The following RAD51B variants were observed in gnomAD, a reference collection of about 807,000 sequenced individuals.
RAD51B encodes the protein DNA repair protein RAD51 homolog 2.
In RAD51B, 38 loss-of-function variants were observed where a neutral mutation model predicts 42.2. The observed-to-expected ratio is 0.90, with a 90% CI of 0.70 to 1.18. The LOEUF is 1.18. RAD51B is among the 50% of genes most tolerant of loss of function. The probability of loss-of-function intolerance (pLI) is 0.00; values close to 1 mark genes in which losing one functional copy is unlikely to be tolerated. For synonymous variants in RAD51B, 154 were observed against 145.2 expected (o/e 1.06, Z -0.43); for missense variants, 373 against 400.7 (o/e 0.93, Z 0.59).
intron 7 of RAD51B, among the ~76,000 whole-genome samples, chr14:67,966,861 G>A (rs1306143760): frequency 6.6e-6 from 1 of 152,174 alleles, no homozygotes; most frequent in Non-Finnish European, 1.5e-5. Flanking sequence ...CTTACATACA[G>A]TATTATATTT....
intron 7 of RAD51B, among the ~76,000 whole-genome samples, chr14:67,927,869 T>C (rs562397511): frequency 6.6e-6 from 1 of 150,976 alleles, no homozygotes; most frequent in South Asian, 2.1e-4. Flanking sequence ...TTGATCATGG[T>C]ATGTTATCTT....
At chr14:67,995,342 A>T (rs1236738742) in intron 7 of RAD51B, among the ~76,000 whole-genome samples, 1 of 152,010 alleles carries the variant, frequency 6.6e-6, no homozygotes, top group Non-Finnish European at 1.5e-5. Flanking sequence ...AGCCGAGATC[A>T]CGCCACTACT....
intron 8 of RAD51B, among the ~76,000 whole-genome samples, chr14:68,384,462 T>C (rs2083548575): frequency 6.6e-6 from 1 of 152,142 alleles, no homozygotes. Context: ...GGAAAAAACC[T>C]TATGAGAGGC....
At chr14:68,091,449 C>T (rs1324787436) in intron 7 of RAD51B, among the ~76,000 whole-genome samples, 1 of 152,132 alleles carries the variant, frequency 6.6e-6, no homozygotes, top group Admixed American at 6.5e-5. Context: ...TCTCTGATGG[C>T]CAATGATGAT....
chr14:68,491,140 T>C (rs747423290), intron 10 of RAD51B, among the ~76,000 whole-genome samples: 1 of 152,212 alleles, frequency 6.6e-6, no homozygotes, highest in Non-Finnish European at 1.5e-5. Flanking sequence ...TGCCTGCCAG[T>C]AAGCCCACTC....
At chr14:68,128,126 G>A (rs1289221390) in intron 7 of RAD51B, among the ~76,000 whole-genome samples, 1 of 152,214 alleles carries the variant, frequency 6.6e-6, no homozygotes, top group Non-Finnish European at 1.5e-5. Context: ...TAAGAGAAAT[G>A]TAGAAACCTT....
chr14:68,008,842 A>G (rs1351739044), intron 7 of RAD51B, among the ~76,000 whole-genome samples: 2 of 151,362 alleles, frequency 1.3e-5, no homozygotes, highest in Non-Finnish European at 2.9e-5. Flanking sequence ...TTCACTTTAC[A>G]TCTGTGTAGT....
At chr14:67,889,589 C>G (rs2043159069) in intron 7 of RAD51B, among the ~76,000 whole-genome samples, 2 of 146,148 alleles carry the variant, frequency 1.4e-5, no homozygotes, top group African/African-American at 5.1e-5. Flanking sequence ...TTTTCCCCCC[C>G]TTTCTCTATT....
chr14:68,608,789 G>A (rs951691900), intron 10 of RAD51B, among the ~76,000 whole-genome samples: 4 of 152,158 alleles, frequency 2.6e-5, no homozygotes, highest in Non-Finnish European at 5.9e-5. Context: ...ATCGCTGAAT[G>A]AAGAGGAGGG....
chr14:68,520,428 G>T (rs982582445), intron 10 of RAD51B, among the ~76,000 whole-genome samples: 7 of 152,156 alleles, frequency 4.6e-5, no homozygotes, highest in Non-Finnish European at 1.0e-4. Flanking sequence ...ATATCATTTA[G>T]GCACTCCCCA....
chr14:68,546,040 C>T (rs574296974), intron 10 of RAD51B, among the ~76,000 whole-genome samples: 20 of 152,308 alleles, frequency 1.3e-4, no homozygotes, highest in Admixed American at 3.3e-4. Context: ...GTGAGTTCCA[C>T]GAGGACAGGG....
At chr14:68,004,440 A>G (rs191029721) in intron 7 of RAD51B, among the ~76,000 whole-genome samples, 28 of 150,850 alleles carry the variant, frequency 1.9e-4, no homozygotes, top group Admixed American at 1.7e-3. Context: ...TTCTTTCTAG[A>G]TTATAGAAGA....
intron 7 of RAD51B, among the ~76,000 whole-genome samples, chr14:68,116,215 G>T (rs2077545241): frequency 6.6e-6 from 1 of 151,832 alleles, no homozygotes; most frequent in South Asian, 2.1e-4. Context: ...GCAGTCAGTG[G>T]TATGTGAATT....
At chr14:68,381,649 C>A (rs945829898) in intron 8 of RAD51B, among the ~76,000 whole-genome samples, 2 of 152,118 alleles carry the variant, frequency 1.3e-5, no homozygotes, top group African/African-American at 2.4e-5. Context: ...GCACTCCAGC[C>A]TGCTCAGGCG....
intron 10 of RAD51B, among the ~76,000 whole-genome samples, chr14:68,494,992 A>G (rs142283432): frequency 6.6e-6 from 1 of 152,300 alleles, no homozygotes; most frequent in African/African-American, 2.4e-5. Flanking sequence ...TCTGCCCTAC[A>G]AGGCATAGTG....
At chr14:68,361,018 C>T (rs140208177) in intron 8 of RAD51B, among the ~76,000 whole-genome samples, 126 of 152,166 alleles carry the variant, frequency 8.3e-4, no homozygotes, top group African/African-American at 2.7e-3. Context: ...GAGAGAATGA[C>T]CTTTCTAGGT....
intron 7 of RAD51B, among the ~76,000 whole-genome samples, chr14:68,002,084 A>G (rs1424938231): frequency 1.3e-5 from 2 of 152,172 alleles, no homozygotes; most frequent in African/African-American, 4.8e-5. Context: ...GCTGGGTCAA[A>G]TGGTATTTCT....
intron 9 of RAD51B, among the ~76,000 whole-genome samples, chr14:68,426,366 G>A (rs902333587): frequency 6.6e-5 from 10 of 151,928 alleles, no homozygotes; most frequent in African/African-American, 1.7e-4. Flanking sequence ...GTGAGCCACC[G>A]GGCCTGGTCA....
chr14:68,218,133 G>C (rs897879298), intron 7 of RAD51B, among the ~76,000 whole-genome samples: 3 of 152,166 alleles, frequency 2.0e-5, no homozygotes, highest in African/African-American at 7.2e-5. Flanking sequence ...AAATTAAGCA[G>C]CATAAGGAAA....
Sources: allele counts gnomAD v4.1 joint callset (sites outside exome capture counted in the v4.1 genomes callset), GRCh38; gene constraint gnomAD v4.1.1; transcripts MANE v1.5; gene names NCBI Gene and HGNC (gene_info 2026-07-23, HGNC 2026-07-21).